The following SLC4A5 variants were observed in gnomAD, a reference collection of about 807,000 sequenced individuals.
The protein encoded by SLC4A5 is electrogenic sodium bicarbonate cotransporter 4.
A neutral mutation model predicts 120.4 loss-of-function variants in SLC4A5; 96 were observed. The ratio of observed to expected loss-of-function variants is 0.80; its 90% CI spans 0.68 to 0.94. The LOEUF is 0.94. Among genes scored for constraint, SLC4A5 ranks in the 40% least tolerant of loss-of-function variants. The pLI is 0.00. For missense variants in SLC4A5, 1,259 were observed against 1,459.5 expected (o/e 0.86, Z 2.24); for synonymous variants, 550 against 571.1 (o/e 0.96, Z 0.53).
In SLC4A5 at chr2:74,239,327, G is replaced by C. The variant is rs1436449308; in HGVS notation, c.2319+8C>G. ...GCAGGTCCCCTCCTAACTGCAGGGT[G>C]AGCTTACCTTGGTAGGAAAATAGCG... On this transcript the variant is annotated splice_region_variant and intron_variant, in intron 21 of 30. Coordinates refer to ENST00000394019, the Ensembl canonical transcript of SLC4A5. The C allele has an allele frequency of 3.7e-6, 6 of 1,613,872 alleles. No homozygotes were observed. Among genetic ancestry groups the C allele is most frequent in the Non-Finnish European group, 5.1e-6 (6 of 1,179,854 alleles).
intron 6 of SLC4A5, chr2:74,308,024 G>C: frequency 3.8e-6 from 2 of 531,628 alleles, no homozygotes; most frequent in Admixed American, 2.0e-5. Flanking sequence ...CCGGGGAGGA[G>C]AGTGAGAGGA....
At chr2:74,306,959 C>T in intron 6 of SLC4A5, 1 of 606,716 alleles carries the variant, frequency 1.6e-6, no homozygotes, top group South Asian at 1.5e-5. Flanking sequence ...GTCCCTCTGC[C>T]TGGGTCTGTG....
intron 5 of SLC4A5, 77 bp from the exon 6 acceptor site, chr2:74,315,102 C>T (rs1245680787): frequency 1.5e-5 from 18 of 1,231,834 alleles, no homozygotes; most frequent in Non-Finnish European, 1.8e-5. Flanking sequence ...TGGTCAAATC[C>T]ACAGTCATAA....
intron 8 of SLC4A5, among the ~76,000 whole-genome samples, chr2:74,269,486 G>A (rs986800243): frequency 5.3e-5 from 8 of 152,100 alleles, no homozygotes; most frequent in Non-Finnish European, 1.2e-4. Context: ...ACCCACCTCC[G>A]CCTCTAAAAG....
chr2:74,223,005 T>G, intron 28 of SLC4A5, 53 bp from the exon 29 acceptor site: 2 of 1,314,578 alleles, frequency 1.5e-6, no homozygotes, highest in Admixed American at 2.3e-5. Context: ...CAATTTGGCT[T>G]TCTTTTTTTT....
At chr2:74,301,353 T>C (rs1015949834) in intron 7 of SLC4A5, among the ~76,000 whole-genome samples, 1 of 152,218 alleles carries the variant, frequency 6.6e-6, no homozygotes, top group African/African-American at 2.4e-5. Context: ...CTCTGCTCAA[T>C]CCTCCATCTG....
intron 19 of SLC4A5, among the ~76,000 whole-genome samples, chr2:74,245,254 G>T (rs1169114403): frequency 2.0e-5 from 3 of 152,186 alleles, no homozygotes; most frequent in African/African-American, 4.8e-5. Context: ...AGGAGGCAGA[G>T]GTTGCAGTGA....
At chr2:74,287,855 T>C (rs1021677224) in intron 7 of SLC4A5, among the ~76,000 whole-genome samples, 3 of 152,106 alleles carry the variant, frequency 2.0e-5, no homozygotes, top group Admixed American at 2.0e-4. Flanking sequence ...TAGAAACAGC[T>C]CTTCCTACCC....
intron 20 of SLC4A5, 110 bp from the exon 21 acceptor site, chr2:74,239,645 G>A: frequency 9.6e-7 from 1 of 1,039,308 alleles, no homozygotes; most frequent in Non-Finnish European, 1.4e-6. Context: ...CCCTCTGAGG[G>A]ACCCCAGCCC....
At chr2:74,324,272 T>C (rs533041879) in intron 5 of SLC4A5, among the ~76,000 whole-genome samples, 2 of 152,312 alleles carry the variant, frequency 1.3e-5, no homozygotes, top group Admixed American at 6.5e-5. Flanking sequence ...TTCTGTTTGT[T>C]TTCTTGGAGT....
At chr2:74,306,923 G>C (rs1305383303) in intron 6 of SLC4A5, 7 of 617,520 alleles carry the variant, frequency 1.1e-5, no homozygotes. Flanking sequence ...TGTTCAGCAG[G>C]GCCTTGTACT....
intron 6 of SLC4A5, 47 bp downstream of exon 6, chr2:74,314,898 T>C: frequency 6.5e-7 from 1 of 1,532,764 alleles, no homozygotes. Context: ...TTCAGAGAAT[T>C]CTCAGTGCCT....
At chr2:74,306,163 T>C (rs1672636907) in intron 6 of SLC4A5, among the ~76,000 whole-genome samples, 1 of 152,152 alleles carries the variant, frequency 6.6e-6, no homozygotes, top group Non-Finnish European at 1.5e-5. Flanking sequence ...AAAAACCACC[T>C]AAATCCAAAG....
intron 19 of SLC4A5, 31 bp from the exon 20 acceptor site, chr2:74,242,083 T>C: frequency 1.3e-6 from 2 of 1,592,812 alleles, no homozygotes; most frequent in Non-Finnish European, 1.7e-6. Context: ...CGGGGCAGGG[T>C]CAGCAGCTGT....
chr2:74,308,757 T>C (rs1672723711), intron 6 of SLC4A5, among the ~76,000 whole-genome samples: 1 of 151,766 alleles, frequency 6.6e-6, no homozygotes, highest in Non-Finnish European at 1.5e-5. Flanking sequence ...TTTTCATCAA[T>C]TGTGCTTTTA....
chr2:74,334,686 T>C (rs1040256839), intron 3 of SLC4A5, among the ~76,000 whole-genome samples: 2 of 152,164 alleles, frequency 1.3e-5, no homozygotes, highest in East Asian at 1.9e-4. Flanking sequence ...TCATAAATGA[T>C]TGGGTCCAAA....
intron 30 of SLC4A5, among the ~76,000 whole-genome samples, chr2:74,220,694 T>A (rs1694608923): frequency 6.7e-6 from 1 of 149,338 alleles, no homozygotes; most frequent in Non-Finnish European, 1.5e-5. Flanking sequence ...TTTTTTGTAT[T>A]TTTAGTAGAG....
chr2:74,342,935 C>T (rs1673657893), intron 1 of SLC4A5, among the ~76,000 whole-genome samples: 1 of 152,160 alleles, frequency 6.6e-6, no homozygotes, highest in South Asian at 2.1e-4. Context: ...CTATCAACCA[C>T]TGAGACTCCC....
In SLC4A5 at chr2:74,224,831, C is replaced by T. The variant is rs760825987; in HGVS notation, c.3246+9G>A. The T allele has an allele frequency of 1.2e-6, 2 of 1,603,826 alleles. No homozygotes were observed. Among genetic ancestry groups the T allele is most frequent in the East Asian group, 4.5e-5 (2 of 44,830 alleles). On this transcript the variant is annotated intron_variant, in intron 28 of 30. Coordinates refer to ENST00000394019, the Ensembl canonical transcript of SLC4A5. ...TCTCCTCTGTGCCCCGGCCTCACAT[C>T]TTCCCCACCTCCTCATCACAGTCCT...
Sources: gnomAD v4.1 joint callset for allele counts (sites outside exome capture counted in the v4.1 genomes callset) on GRCh38, gnomAD v4.1.1 for gene constraint, MANE v1.5 for transcripts, NCBI Gene and HGNC (gene_info 2026-07-23, HGNC 2026-07-21) for gene names.